Variants in HECW2 observed in about 807,000 individuals in gnomAD.
HECW2 encodes the protein E3 ubiquitin-protein ligase HECW2.
HECW2 carries 61 observed loss-of-function variants against 175.2 expected under a neutral mutation model. The ratio of observed to expected loss-of-function variants is 0.35; its 90% CI spans 0.28 to 0.43. The LOEUF is 0.43. Ranked by LOEUF, HECW2 falls within the 20% of genes least tolerant of loss-of-function variation. HECW2 has a pLI of 1.00. For missense variants in HECW2, 1,524 were observed against 2,000.5 expected (o/e 0.76, Z 4.54); for synonymous variants, 671 against 731.0 (o/e 0.92, Z 1.32).
At chr2:196,425,253 A>C (rs1395634575) in intron 2 of HECW2, among the ~76,000 whole-genome samples, 1 of 150,792 alleles carries the variant, frequency 6.6e-6, no homozygotes, top group Admixed American at 6.6e-5. Context: ...GCGACAAGTC[A>C]CCTAAGAGGT....
At chr2:196,255,687 A>C (rs1173548228) in intron 18 of HECW2, among the ~76,000 whole-genome samples, 1 of 152,242 alleles carries the variant, frequency 6.6e-6, no homozygotes, top group East Asian at 1.9e-4. Flanking sequence ...AAAACATTAA[A>C]ATAGACACAA....
chr2:196,247,646 T>C (rs1559462393), intron 19 of HECW2, among the ~76,000 whole-genome samples: 1 of 152,236 alleles, frequency 6.6e-6, no homozygotes, highest in Non-Finnish European at 1.5e-5. Flanking sequence ...AGAACTTCTA[T>C]ATTGTGTTAC....
intron 2 of HECW2, among the ~76,000 whole-genome samples, chr2:196,417,601 G>A (rs6434853): frequency 0.95 from 144,203 of 152,274 alleles, 68,393 homozygotes; most frequent in East Asian, 1. Context: ...TAGTTGCATA[G>A]CACTCCATTC....
rs17185093 is a variant in HECW2 at position 196,527,995 on chromosome 2, T to C, written c.-36+65513A>G. 6.7e-3 allele frequency among the ~76,000 whole-genome samples: 1,024 copies of C among 152,320 alleles called. 4 individuals carry two copies. The highest frequency in any genetic ancestry group is 9.6e-3 in the Non-Finnish European group (652 of 68,020). Reference sequence around the variant, plus strand: ...CTTAATTTCTTGTTCATAAAGCCCATAAAAGATTGAGTGATTTGGTTTCCT... The same window carrying C: ...CTTAATTTCTTGTTCATAAAGCCCACAAAAGATTGAGTGATTTGGTTTCCT... On this transcript the variant is annotated intron_variant, in intron 1 of 28. Transcript: ENST00000644978.
intron 1 of HECW2, among the ~76,000 whole-genome samples, chr2:196,524,491 ATTTT>A (rs2125441197): frequency 1.6e-5 from 1 of 61,342 alleles, no homozygotes; most frequent in Admixed American, 1.6e-4. Context: ...TTCTGCTCTG[ATTTT>A]AGTTATTTCT....
chr2:196,580,291 T>A (rs552340472), intron 1 of HECW2, among the ~76,000 whole-genome samples: 5 of 152,252 alleles, frequency 3.3e-5, no homozygotes, highest in African/African-American at 1.2e-4. Context: ...AGGACAGTTA[T>A]AACACCAAAA....
intron 13 of HECW2, 92 bp downstream of exon 13, chr2:196,306,396 C>T (rs570376321): frequency 1.4e-5 from 18 of 1,268,534 alleles, no homozygotes; most frequent in Middle Eastern, 2.2e-4. Context: ...TGGAAACATT[C>T]GCCATTATCA....
chr2:196,289,973 T>C (rs1024816610), intron 14 of HECW2: 1 of 152,196 alleles, frequency 6.6e-6, no homozygotes, highest in African/African-American at 2.4e-5. Flanking sequence ...CCAGCTTAGC[T>C]AAAAATCTTA....
intron 13 of HECW2, among the ~76,000 whole-genome samples, chr2:196,303,082 T>C (rs182818393): frequency 6.6e-6 from 1 of 152,324 alleles, no homozygotes; most frequent in East Asian, 1.9e-4. Context: ...CTTTGAGGTA[T>C]GTTCCTTCAA....
chr2:196,205,178 G>A (rs372927184), intron 28 of HECW2, among the ~76,000 whole-genome samples: 24 of 152,012 alleles, frequency 1.6e-4, no homozygotes, highest in African/African-American at 4.4e-4. Flanking sequence ...AAAATATTTC[G>A]CGATGATGGG....
intron 2 of HECW2, among the ~76,000 whole-genome samples, chr2:196,417,266 CT>C (rs1695280421): frequency 6.6e-6 from 1 of 152,086 alleles, no homozygotes; most frequent in African/African-American, 2.4e-5. Flanking sequence ...ATTCAATTTC[CT>C]TAAATAAGTA....
intron 1 of HECW2, among the ~76,000 whole-genome samples, chr2:196,461,024 T>C (rs1341362899): frequency 6.6e-6 from 1 of 152,110 alleles, no homozygotes; most frequent in Admixed American, 6.6e-5. Context: ...AATGATGATG[T>C]TGGCCCAACT....
At chr2:196,236,818 G>A (rs192563191) in intron 21 of HECW2, among the ~76,000 whole-genome samples, 2 of 152,300 alleles carry the variant, frequency 1.3e-5, no homozygotes, top group African/African-American at 4.8e-5. Context: ...TTATCAACAT[G>A]ACTTGTGGCT....
At position 196,205,593 on chromosome 2, in the gene HECW2, C is replaced by T. The variant is rs529498168; in HGVS notation, c.4608-4205G>A. 3.3e-5 allele frequency among the ~76,000 whole-genome samples: 5 copies of T among 152,262 alleles called. No individual in the cohort carries two copies. In the South Asian group the frequency reaches 1.0e-3, roughly 32 times the overall value. ...ACCAGGGGATTTTTAGGTGATCATA[C>T]CATCTAGCTCAATCTCAGGCTTAAT... is the stretch of plus-strand genomic sequence containing the variant. On this transcript the variant is annotated intron_variant, in intron 28 of 28. Transcript: ENST00000644978.
At position 196,356,966 on chromosome 2, in the gene HECW2, C is replaced by T. The variant is rs1463727899; in HGVS notation, c.293-13202G>A. Among the ~76,000 whole-genome samples the T allele has an allele frequency of 2.6e-5, 4 of 152,296 alleles. No homozygotes were observed. The East Asian group carries it at 5.8e-4, about 22-fold the overall frequency. ...TATGCACAGAGTGAACCCAGTCTTG[C>T]TCCAGTGACCATGCTCCTCAACACT... is the stretch of plus-strand genomic sequence containing the variant. On this transcript the variant is annotated intron_variant, in intron 2 of 28. Transcript: ENST00000644978.
chr2:196,458,615 C>G (rs1696612044), intron 1 of HECW2, among the ~76,000 whole-genome samples: 1 of 151,732 alleles, frequency 6.6e-6, no homozygotes, highest in Non-Finnish European at 1.5e-5. Context: ...CACCTGTAAT[C>G]CCAGCACTTT....
chr2:196,591,287 C>G (rs1056569847), intron 1 of HECW2, among the ~76,000 whole-genome samples: 4 of 152,130 alleles, frequency 2.6e-5, no homozygotes, highest in African/African-American at 9.7e-5. Flanking sequence ...AATCACCTGT[C>G]ACGGAGATGG....
At chr2:196,537,434 C>T (rs1689057449) in intron 1 of HECW2, among the ~76,000 whole-genome samples, 1 of 152,086 alleles carries the variant, frequency 6.6e-6, no homozygotes, top group Non-Finnish European at 1.5e-5. Flanking sequence ...AGCTGGAGAT[C>T]AGGAGGCAGC....
At chr2:196,255,934 G>T (rs191629141) in intron 18 of HECW2, among the ~76,000 whole-genome samples, 17 of 152,062 alleles carry the variant, frequency 1.1e-4, no homozygotes, top group Non-Finnish European at 1.3e-4. Flanking sequence ...TTAGCCGGGC[G>T]TGGTGGCTTG....
Sources: allele counts gnomAD v4.1 joint callset (sites outside exome capture counted in the v4.1 genomes callset), GRCh38; gene constraint gnomAD v4.1.1; transcripts MANE v1.5; gene names NCBI Gene and HGNC (gene_info 2026-07-23, HGNC 2026-07-21).